The following DSCAM variants were observed in gnomAD, a reference collection of about 807,000 sequenced individuals.
DSCAM encodes the protein cell adhesion molecule DSCAM.
In DSCAM, 47 loss-of-function variants were observed where a neutral mutation model predicts 217.7. The ratio of observed to expected loss-of-function variants is 0.22; its 90% confidence interval spans 0.17 to 0.28. DSCAM has a LOEUF of 0.28. Among genes scored for constraint, DSCAM ranks in the 10% least tolerant of loss-of-function variants. The pLI is 1.00. For missense variants in DSCAM, 2,080 were observed against 2,618.3 expected (o/e 0.79, Z 4.49); for synonymous variants, 1,056 against 1,015.3 (o/e 1.04, Z -0.76).
At chr21:40,800,376 A>G (rs1018213009) in intron 1 of DSCAM, among the ~76,000 whole-genome samples, 4 of 152,264 alleles carry the variant, frequency 2.6e-5, no homozygotes, top group Middle Eastern at 3.4e-3. Context: ...TGGGCAGAGG[A>G]TGGAAGCTGA....
chr21:40,619,688 T>A (rs2089452942), intron 3 of DSCAM, among the ~76,000 whole-genome samples: 1 of 152,150 alleles, frequency 6.6e-6, no homozygotes, highest in Non-Finnish European at 1.5e-5. Context: ...CGCCATTGCA[T>A]CCACAGGCAT....
intron 18 of DSCAM, among the ~76,000 whole-genome samples, chr21:40,139,912 GGTGA>G (rs747579621): frequency 4.6e-5 from 7 of 150,658 alleles, no homozygotes; most frequent in Middle Eastern, 3.2e-3. Context: ...TGGTGTGTGT[GGTGA>G]GTGTGGGATA....
At chr21:40,183,342 A>C (rs1413816131) in intron 14 of DSCAM, among the ~76,000 whole-genome samples, 1 of 152,180 alleles carries the variant, frequency 6.6e-6, no homozygotes. Context: ...AAATATGGCA[A>C]CCAAGGCAAC....
At position 40,312,170 on chromosome 21, in the gene DSCAM, T is replaced by C. The variant is rs2074146165; in HGVS notation, c.1973A>G (p.Asn658Ser). ...ATTCCCATTGTGCATGAGCGAGAGA[T>C]TGGAAATCCTCAAGGAGCTCGTGAA... ...IDFTSSLRIS[N>S]LSLMHNGNYT... The change falls in exon 9 of 33, where the codon AAT becomes AGT. Residue 658 changes from asparagine to serine, a missense_variant. Asn to Ser is a conservative substitution (Grantham distance 46). Coordinates refer to ENST00000400454, the MANE Select transcript of DSCAM (RefSeq NM_001389.5). The C allele has an allele frequency of 3.7e-6, 6 of 1,614,014 alleles. No individual in the cohort carries two copies. Among genetic ancestry groups the C allele is most frequent in the Middle Eastern group, 1.6e-4 (1 of 6,062 alleles).
chr21:40,618,389 T>A (rs1272691202), intron 3 of DSCAM: 1 of 152,134 alleles, frequency 6.6e-6, no homozygotes, highest in African/African-American at 2.4e-5. Flanking sequence ...TGGCAGCAGG[T>A]GCGGTGTGGG....
intron 3 of DSCAM, among the ~76,000 whole-genome samples, chr21:40,521,693 G>A (rs1410820319): frequency 6.6e-5 from 10 of 152,100 alleles, no homozygotes; most frequent in African/African-American, 2.2e-4. Flanking sequence ...ATAGTGAATA[G>A]AATGGGGTAA....
chr21:40,345,438 T>C (rs1176590874), intron 6 of DSCAM, among the ~76,000 whole-genome samples: 1 of 152,204 alleles, frequency 6.6e-6, no homozygotes, highest in African/African-American at 2.4e-5. Context: ...CCAAAGTTTC[T>C]TGTTTTTATC....
At chr21:40,808,126 A>C (rs554634424) in intron 1 of DSCAM, among the ~76,000 whole-genome samples, 17 of 152,246 alleles carry the variant, frequency 1.1e-4, no homozygotes, top group Admixed American at 5.9e-4. Flanking sequence ...CTGGAGCCCA[A>C]CTCAATTTGG....
chr21:40,639,178 C>G (rs572650156), intron 3 of DSCAM, among the ~76,000 whole-genome samples: 1 of 151,962 alleles, frequency 6.6e-6, no homozygotes, highest in Non-Finnish European at 1.5e-5. Flanking sequence ...AGAAATCCAC[C>G]CGTCGCTGGG....
chr21:40,487,256 C>CCTCTCTCT (rs59987844), intron 3 of DSCAM, among the ~76,000 whole-genome samples: 6 of 143,714 alleles, frequency 4.2e-5, no homozygotes, highest in Admixed American at 6.9e-5. Flanking sequence ...TCTTTCTCTC[C>CCTCTCTCT]CTCTCTCTCT....
chr21:40,598,903 AGAG>A (rs2077042208), intron 3 of DSCAM, among the ~76,000 whole-genome samples: 1 of 152,214 alleles, frequency 6.6e-6, no homozygotes, highest in Non-Finnish European at 1.5e-5. Flanking sequence ...TAGTAGCTAT[AGAG>A]TAGTATCTCG....
In DSCAM at chr21:40,269,275, C is replaced by T. The variant is rs554443945; in HGVS notation, c.2356+6822G>A. ...GGGATAAACCTCTTTTGCAGAGTCC[C>T]GTATTAAGAATACGGAAATCTTCTC... is the stretch of plus-strand genomic sequence containing the variant. On this transcript the variant is annotated intron_variant, in intron 11 of 32. Transcript: ENST00000400454. 2.6e-5 allele frequency among the ~76,000 whole-genome samples: 4 copies of T among 152,230 alleles called. No homozygotes were observed. In the East Asian group the frequency reaches 7.7e-4, roughly 29 times the overall value.
chr21:40,357,491 T>C (rs967768468), intron 4 of DSCAM, among the ~76,000 whole-genome samples: 1 of 152,236 alleles, frequency 6.6e-6, no homozygotes. Context: ...GAAATGGTCC[T>C]GGACATCCTT....
intron 1 of DSCAM, among the ~76,000 whole-genome samples, chr21:40,759,958 C>CATTTATTT (rs56093065): frequency 1.5e-4 from 20 of 135,830 alleles, no homozygotes; most frequent in East Asian, 6.7e-4. Context: ...GATACGTTTA[C>CATTTATTT]ATTTATTTAT....
In DSCAM at chr21:40,637,568, A is replaced by C. The variant is rs557480116; in HGVS notation, c.508+55242T>G. Among the ~76,000 whole-genome samples the C allele has an allele frequency of 8.4e-4, 33 of 39,126 alleles. 7 individuals carry two copies. Among genetic ancestry groups the C allele is most frequent in the East Asian group, 1.9e-3 (3 of 1,548 alleles). 25.7% of individuals were successfully genotyped at this position (39,126 alleles called of 152,430 possible). A position where few individuals can be genotyped will look rare whatever the true frequency, so the allele number is the denominator to read the frequency against. On this transcript the variant is annotated intron_variant, in intron 3 of 32. Transcript: ENST00000400454. Reference sequence around the variant, plus strand: ...ATATATATAAATATATACATATATAAATATATATAAATATATACATATATA... The same window carrying C: ...ATATATATAAATATATACATATATACATATATATAAATATATACATATATA...
Position 40,269,583 on chromosome 21 carries a change from A to AT in DSCAM, c.2356+6513dup, listed in dbSNP as rs529073794. On this transcript the variant is annotated intron_variant, in intron 11 of 32. Coordinates refer to ENST00000400454, the MANE Select transcript of DSCAM (RefSeq NM_001389.5). The stretch of plus-strand genomic sequence containing the variant: ...AAACTGGGGTGCTTAAACAACAGCA[A>AT]TTTATTCTCACATCTTTCTGGGGGC... Among the ~76,000 whole-genome samples, 509 of 152,302 alleles carry AT rather than the reference A, an allele frequency of 3.3e-3. 1 individual carries two copies. Among genetic ancestry groups the AT allele is most frequent in the Non-Finnish European group, 5.6e-3 (379 of 68,030 alleles).
chr21:40,818,476 G>A (rs1351736102), intron 1 of DSCAM, among the ~76,000 whole-genome samples: 3 of 145,714 alleles, frequency 2.1e-5, no homozygotes, highest in East Asian at 4.2e-4. Flanking sequence ...AACCCGGGAG[G>A]TGGAGCTTGC....
In DSCAM at chr21:40,489,774, C is replaced by CAAAAAAAAA. The variant is rs35247505; in HGVS notation, c.509-120538_509-120530dup. On this transcript the variant is annotated intron_variant, in intron 3 of 32. Transcript: ENST00000400454. ...TGGGCGACAGGGCGAGACTCCGTCT[C>CAAAAAAAAA]AAAAAAAAAAAAAAAAAAAAAAAAA... is the stretch of plus-strand genomic sequence containing the variant. Among the ~76,000 whole-genome samples the CAAAAAAAAA allele has an allele frequency of 1.9e-3, 90 of 47,146 alleles. 6 individuals carry two copies. The highest frequency in any genetic ancestry group is 3.5e-3 in the African/African-American group (44 of 12,742). The allele number at this position is 47,146 out of a possible 152,430, so 30.9% of individuals were successfully genotyped here. A position where few individuals can be genotyped will look rare whatever the true frequency, so the allele number is the denominator to read the frequency against.
At position 40,508,757 on chromosome 21, in the gene DSCAM, A is replaced by T. The variant is rs1454708380; in HGVS notation, c.509-139512T>A. Among the ~76,000 whole-genome samples, 43 of 9,496 alleles carry T rather than the reference A, an allele frequency of 4.5e-3. 2 individuals are homozygous for T. Among genetic ancestry groups the T allele is most frequent in the South Asian group, 8.8e-3 (2 of 226 alleles). The allele number at this position is 9,496 out of a possible 152,430, so 6.2% of individuals were successfully genotyped here. On this transcript the variant is annotated intron_variant, in intron 3 of 32. Coordinates refer to ENST00000400454, the MANE Select transcript of DSCAM (RefSeq NM_001389.5). ...CAAATATATATATATATATATATAT[A>T]TATATATATATATATATATATATAT...
Sources: gnomAD v4.1 joint callset for allele counts (sites outside exome capture counted in the v4.1 genomes callset) on GRCh38, gnomAD v4.1.1 for gene constraint, MANE v1.5 for transcripts, NCBI Gene and HGNC (gene_info 2026-07-23, HGNC 2026-07-21) for gene names.